ABCA2: variants seen among roughly 807,000 people sequenced by gnomAD.
The protein encoded by ABCA2 is ATP binding cassette subfamily A member 2.
A neutral mutation model predicts 262.8 loss-of-function variants in ABCA2; 84 were observed. The ratio of observed to expected loss-of-function variants is 0.32; its 90% CI spans 0.27 to 0.38. The LOEUF (loss-of-function observed/expected upper bound fraction) is 0.38. Ranked by LOEUF, ABCA2 falls within the 10% of genes least tolerant of loss-of-function variation. The probability of loss-of-function intolerance (pLI) is 1.00; values close to 1 mark genes in which losing one functional copy is unlikely to be tolerated. For missense variants in ABCA2, 2,662 were observed against 3,405.9 expected (o/e 0.78, Z 5.44); for synonymous variants, 1,696 against 1,502.9 (o/e 1.13, Z -2.97).
Position 137,021,377 on chromosome 9 carries a change from C to G in ABCA2, c.897+15G>C. The G allele has an allele frequency of 1.9e-6, 3 of 1,601,370 alleles. No individual in the cohort carries two copies. The highest frequency in any genetic ancestry group is 1.1e-5 in the South Asian group (1 of 90,868). On this transcript the variant is annotated intron_variant, in intron 8 of 48. Transcript: ENST00000341511. The surrounding 1 kb of genome is among the most constrained non-coding windows in gnomAD (Gnocchi z 6.0). ...AGCAAGCAGCGCAGCGGGCAGTGGG[C>G]AGGCAGGGCCTCACCTGCTGGGAGA...
intron 1 of ABCA2, among the ~76,000 whole-genome samples, chr9:137,027,227 C>T (rs995533968): frequency 2.0e-5 from 3 of 152,240 alleles, no homozygotes; most frequent in Admixed American, 2.0e-4. Context: ...AGGCTGGAGC[C>T]AAGCTGGCCA....
At chr9:137,009,745 A>G (rs773102779) in intron 43 of ABCA2, 24 bp downstream of exon 43, 1 of 1,604,608 alleles carries the variant, frequency 6.2e-7, no homozygotes, top group East Asian at 2.2e-5. Flanking sequence ...CCAGGCAGCC[A>G]CCCCCCACCC....
chr9:137,019,365 C>A lies in ABCA2; in HGVS notation c.1426-59G>T. 6.3e-7 allele frequency: 1 copy of A among 1,584,774 alleles called. No homozygotes were observed. The highest frequency in any genetic ancestry group is 8.6e-7 in the Non-Finnish European group (1 of 1,161,310). On this transcript the variant is annotated intron_variant, in intron 10 of 48. Coordinates refer to ENST00000341511, the MANE Select transcript of ABCA2 (RefSeq NM_001606.5). The surrounding 1 kb of genome is among the most constrained non-coding windows in gnomAD (Gnocchi z 4.4). Reference sequence around the variant, plus strand: ...GGACGGACCCCCACCGACTTGGGGGCTCTCACCCCACTCACCTCCCCAGTG... The same window carrying A: ...GGACGGACCCCCACCGACTTGGGGGATCTCACCCCACTCACCTCCCCAGTG...
rs371512708 is a variant in ABCA2, at chr9:137,016,117, G to A, written c.3162C>T (p.His1054=). Residue 1054 remains histidine, a synonymous_variant, in exon 22 of 49, where the codon CAC becomes CAT. Transcript: ENST00000341511. ...PTSGSATIYG[H]DIRTEMDEIR... is the part of the protein sequence containing the mutation. ...TCTCATCCATCTCCGTGCGGATGTC[G>A]TGCCCGTAGATGGTGGCGGAACCCG... 116 of 1,612,718 alleles carry A rather than the reference G, an allele frequency of 7.2e-5. No homozygotes were observed. Among genetic ancestry groups the A allele is most frequent in the South Asian group, 3.0e-4 (27 of 91,094 alleles).
Position 137,010,659 on chromosome 9 carries a change from G to A in ABCA2, c.6135C>T (p.Asp2045=), listed in dbSNP as rs374099561. 82 of 1,611,098 alleles carry A rather than the reference G, an allele frequency of 5.1e-5. No individual in the cohort carries two copies. The highest frequency in any genetic ancestry group is 4.0e-4 in the South Asian group (36 of 91,046). The change falls in exon 40 of 49, where the codon GAC becomes GAT. Residue 2045 remains aspartate, a synonymous_variant. Coordinates refer to ENST00000341511, the MANE Select transcript of ABCA2 (RefSeq NM_001606.5). The part of the protein sequence containing the change: ...ASERQRVLRG[D]ADNDMVKIEN... The stretch of plus-strand genomic sequence containing the variant: ...CAATCTTGACCATGTCATTGTCGGC[G>A]TCTCCCCGGAGCACTCGCTGCCGCT...
chr9:137,022,455 C>G lies in ABCA2; in HGVS notation c.463G>C (p.Val155Leu), dbSNP rs1487906344. 1 of 1,611,972 alleles carries G rather than the reference C, an allele frequency of 6.2e-7. No homozygotes were observed. The highest frequency in any genetic ancestry group is 8.5e-7 in the Non-Finnish European group (1 of 1,179,746). ...STVSSFSLDS[V>L]ARNPQELWRF... ...CAGAGCTCCTGCGGGTTTCTGGCCA[C>G]CGAGTCCAGAGAGAAGGAAGACACT... The change falls in exon 6 of 49, where the codon GTG becomes CTG. Residue 155 changes from valine to leucine, a missense_variant. Val to Leu is a conservative substitution (Grantham distance 32, BLOSUM62 1). Coordinates refer to ENST00000341511, the MANE Select transcript of ABCA2 (RefSeq NM_001606.5).
Position 137,013,478 on chromosome 9 carries a change from C to T in ABCA2, c.4533G>A (p.Glu1511=). Reference sequence around the variant, plus strand: ...GGCCTCACCGGTACTCGCGGCGCTCCTCGTTGGCGTAGGGGATGAAATTGC... The same window carrying T: ...GGCCTCACCGGTACTCGCGGCGCTCTTCGTTGGCGTAGGGGATGAAATTGC... ...PRGNFIPYAN[E]ERREYRLRLS... is the part of the protein sequence containing the mutation. The change falls in exon 29 of 49, where the codon GAG becomes GAA. Residue 1511 remains glutamate, a synonymous_variant. Coordinates refer to ENST00000341511, the MANE Select transcript of ABCA2 (RefSeq NM_001606.5). The T allele has an allele frequency of 1.9e-6, 3 of 1,608,306 alleles. No homozygotes were observed. Among genetic ancestry groups the T allele is most frequent in the East Asian group, 2.2e-5 (1 of 44,712 alleles).
At chr9:137,013,622 G>A in intron 28 of ABCA2, 59 bp from the exon 29 acceptor site, 4 of 1,514,012 alleles carry the variant, frequency 2.6e-6, no homozygotes, top group Non-Finnish European at 3.6e-6. Context: ...CGGCCCCCAA[G>A]CCTCGGTCCC....
At chr9:137,024,738 G>A (rs1831592717) in intron 1 of ABCA2, among the ~76,000 whole-genome samples, 1 of 151,848 alleles carries the variant, frequency 6.6e-6, no homozygotes, top group Non-Finnish European at 1.5e-5. Flanking sequence ...CCAGGGCCCT[G>A]AGCCTCGGAG....
chr9:137,017,568 A>G lies in ABCA2; in HGVS notation c.2336T>C (p.Met779Thr), dbSNP rs1318917092. ...CCAGATGATGACCACGTGGCTGTGC[A>G]TAAGCACCTGGCCGTACTTCAGGAT... ...TAILKYGQVLMHSHVVIIWLF... is the reference protein window; with the variant it reads ...TAILKYGQVLTHSHVVIIWLF... The change falls in exon 17 of 49, where the codon ATG becomes ACG. Residue 779 changes from methionine (M) to threonine (T), a missense_variant. Physicochemically the swap from Met to Thr is moderately conservative, Grantham distance 81. Around this residue, in one of 12 missense-constraint regions of ABCA2, gnomAD observed 188 missense variants for 343.4 expected, o/e 0.55. Transcript: ENST00000341511. The G allele has an allele frequency of 3.1e-6, 5 of 1,612,694 alleles. No homozygotes were observed. The highest frequency in any genetic ancestry group is 4.2e-6 in the Non-Finnish European group (5 of 1,179,866).
rs1588507074 is a variant in ABCA2, at chr9:137,010,314, C to T, written c.6232G>A (p.Val2078Met). Reference protein sequence around the residue: ...ILAVDRLCLGVRPGECFGLLG... With the variant: ...ILAVDRLCLGMRPGECFGLLG... ...AGCCCGAAGCACTCGCCAGGACGCA[C>T]ACCCAGGCACAGGCGGTCAACGGCC... The change falls in exon 41 of 49, where the codon GTG (valine) becomes ATG (methionine). Residue 2078 changes from valine (V) to methionine (M), a missense_variant. By Grantham distance (21) the Val-to-Met change is conservative. Coordinates refer to ENST00000341511, the MANE Select transcript of ABCA2 (RefSeq NM_001606.5). The T allele has an allele frequency of 1.3e-6, 2 of 1,590,268 alleles. No homozygotes were observed. The highest frequency in any genetic ancestry group is 1.7e-6 in the Non-Finnish European group (2 of 1,169,264).
chr9:137,016,400 C>T lies in ABCA2; in HGVS notation c.2995G>A (p.Val999Ile), dbSNP rs770030911. 2.5e-6 allele frequency: 4 copies of T among 1,612,758 alleles called. No individual in the cohort carries two copies. Among genetic ancestry groups the T allele is most frequent in the Admixed American group, 1.7e-5 (1 of 59,996 alleles). The change falls in exon 21 of 49, where the codon GTC becomes ATC. Residue 999 changes from valine (V) to isoleucine (I), a missense_variant. Val to Ile is a conservative substitution (Grantham distance 29). Coordinates refer to ENST00000341511, the MANE Select transcript of ABCA2 (RefSeq NM_001606.5). ...GCCAGCTTCTTGTCGTCCTTGTAGA[C>T]CTTGGTGAGTTTGTCCACGCAGACA... is the stretch of plus-strand genomic sequence containing the variant. ...LVVCVDKLTK[V>I]YKDDKKLALN... is the part of the protein sequence containing the mutation.
chr9:137,024,112 G>C, intron 2 of ABCA2, 31 bp downstream of exon 2: 1 of 1,588,204 alleles, frequency 6.3e-7, no homozygotes, highest in Non-Finnish European at 8.6e-7. Context: ...GCGCTCCCCC[G>C]GCTGTGCCTG....
rs1240217469 is a variant in ABCA2 at position 137,018,710 on chromosome 9, G to A, written c.1819+9C>T. On this transcript the variant is annotated intron_variant, in intron 13 of 48. Coordinates refer to ENST00000341511, the MANE Select transcript of ABCA2 (RefSeq NM_001606.5). ...GGGGGGCTGGGGCGGGGCGGGGAGG[G>A]CAGCTCACTGGCAAAAACAGTGACG... The A allele has an allele frequency of 1.2e-6, 2 of 1,606,870 alleles. No individual in the cohort carries two copies. The highest frequency in any genetic ancestry group is 1.7e-5 in the Admixed American group (1 of 59,798).
chr9:137,015,202 C>G, intron 24 of ABCA2, 105 bp from the exon 25 acceptor site: 1 of 1,340,274 alleles, frequency 7.5e-7, no homozygotes, highest in East Asian at 2.4e-5. Flanking sequence ...AGAGGAAGAA[C>G]CAGGCCCCAG....
intron 2 of ABCA2, 77 bp downstream of exon 2, chr9:137,024,066 C>T: frequency 6.6e-7 from 1 of 1,525,752 alleles, no homozygotes; most frequent in Non-Finnish European, 8.8e-7. Context: ...CACCCGTGTG[C>T]AGATGTGCAC....
chr9:137,023,872 GGGGA>G, intron 2 of ABCA2, 32 bp from the exon 3 acceptor site: 1 of 890,114 alleles, frequency 1.1e-6, no homozygotes, highest in Non-Finnish European at 1.9e-6. Context: ...GAGACCATGC[GGGGA>G]GGGAGGGGGA....
intron 47 of ABCA2, 42 bp downstream of exon 47, chr9:137,008,689 G>C (rs1420475314): frequency 6.4e-7 from 1 of 1,563,824 alleles, no homozygotes; most frequent in Non-Finnish European, 8.7e-7. Context: ...GGCGGGTGAG[G>C]GGAGGGGCAG....
At position 137,021,316 on chromosome 9, in the gene ABCA2, T is replaced by C; in HGVS notation, c.897+76A>G. 1 of 1,539,286 alleles carries C rather than the reference T, an allele frequency of 6.5e-7. No homozygotes were observed. The highest frequency in any genetic ancestry group is 1.2e-5 in the South Asian group (1 of 85,306). ...CAGCCTGGGCCCAGGAGCCCTGAGC[T>C]CTCCAAGCGGTCCCAGCCCCTCCTT... On this transcript the variant is annotated intron_variant, in intron 8 of 48. Coordinates refer to ENST00000341511, the MANE Select transcript of ABCA2 (RefSeq NM_001606.5). This position sits in a 1 kb window ranked among gnomAD's most constrained non-coding sequence, Gnocchi z 6.0.
Sources: allele counts gnomAD v4.1 joint callset (sites outside exome capture counted in the v4.1 genomes callset), GRCh38; gene constraint gnomAD v4.1.1; regional missense constraint gnomAD v4.1.1; non-coding constraint Gnocchi (gnomAD v3.1); transcripts MANE v1.5; gene names NCBI Gene and HGNC (gene_info 2026-07-23, HGNC 2026-07-21).